The following TTC34 variants were observed in gnomAD, a reference collection of about 807,000 sequenced individuals.
The protein encoded by TTC34 is tetratricopeptide repeat domain 34.
Under a neutral mutation model 40.7 loss-of-function variants are expected in TTC34, and 44 were observed. The observed-to-expected ratio is 1.08, with a 90% CI of 0.85 to 1.39. The LOEUF (loss-of-function observed/expected upper bound fraction) is 1.39. Among genes scored for constraint, TTC34 ranks in the 40% most tolerant of loss-of-function variants. The probability of loss-of-function intolerance (pLI) is 0.00; values close to 1 mark genes in which losing one functional copy is unlikely to be tolerated. For missense variants in TTC34, 884 were observed against 838.0 expected (o/e 1.05, Z -0.68); for synonymous variants, 422 against 398.6 (o/e 1.06, Z -0.70).
chr1:2,756,664 C>T (rs1641516356), intron 6 of TTC34, among the ~76,000 whole-genome samples: 4 of 2,992 alleles, frequency 1.3e-3, no homozygotes, highest in African/African-American at 2.1e-3. Flanking sequence ...ACAGCACCCA[C>T]ACCCCCAGGT....
intron 6 of TTC34, among the ~76,000 whole-genome samples, chr1:2,690,964 T>A (rs374948770): frequency 1.3e-5 from 1 of 75,216 alleles, no homozygotes; most frequent in Non-Finnish European, 3.1e-5. Context: ...TCTGACAGAC[T>A]GGAACAGCAC....
At chr1:2,683,599 G>T (rs868867843) in intron 6 of TTC34, among the ~76,000 whole-genome samples, 11 of 145,464 alleles carry the variant, frequency 7.6e-5, no homozygotes, top group South Asian at 2.1e-4. Context: ...ACACACTCAG[G>T]CGAGCATCTG....
At chr1:2,684,392 ACACC>A in intron 6 of TTC34, among the ~76,000 whole-genome samples, 1 of 150,298 alleles carries the variant, frequency 6.7e-6, no homozygotes, top group South Asian at 2.1e-4. Context: ...AACAGAATCC[ACACC>A]CCCAGGTGAG....
In TTC34 at chr1:2,681,945, C is replaced by T. The variant is rs1322617059; in HGVS notation, c.2227-36382G>A. On this transcript the variant is annotated intron_variant, in intron 6 of 8. Coordinates refer to ENST00000401095, the Ensembl canonical transcript of TTC34. ...GTGACAGCCTGGAACAGCACCAACA[C>T]CCCAAGGCGAGCATCTGACGGCCTG... Among the ~76,000 whole-genome samples the T allele has an allele frequency of 8.3e-5, 9 of 108,756 alleles. 1 individual carries two copies. The highest frequency in any genetic ancestry group is 1.1e-4 in the African/African-American group (3 of 28,054). 71.3% of individuals were successfully genotyped at this position (108,756 alleles called of 152,430 possible). A position where few individuals can be genotyped will look rare whatever the true frequency, so the allele number is the denominator to read the frequency against.
chr1:2,642,896 C>T (rs1396448678), intron 8 of TTC34, among the ~76,000 whole-genome samples: 1 of 152,256 alleles, frequency 6.6e-6, no homozygotes, highest in Non-Finnish European at 1.5e-5. Flanking sequence ...GTGGCCTCTT[C>T]TGCCAGCTGT....
chr1:2,755,770 AAC>A (rs1641483869), intron 6 of TTC34, among the ~76,000 whole-genome samples: 1 of 98,864 alleles, frequency 1.0e-5, no homozygotes. Flanking sequence ...GACAGCCTGG[AAC>A]GGCACCCACA....
At chr1:2,671,729 C>A (rs1178136934) in intron 6 of TTC34, among the ~76,000 whole-genome samples, 1 of 147,000 alleles carries the variant, frequency 6.8e-6, no homozygotes, top group South Asian at 2.2e-4. Context: ...GAGCATCTGA[C>A]AGCATGGAGC....
chr1:2,750,550 G>T (rs1641281860), intron 6 of TTC34, among the ~76,000 whole-genome samples: 1 of 151,974 alleles, frequency 6.6e-6, no homozygotes, highest in Non-Finnish European at 1.5e-5. Context: ...CGACAGCCTG[G>T]GGCAGCACCC....
At chr1:2,642,310 C>T (rs914305335) in intron 8 of TTC34, among the ~76,000 whole-genome samples, 3 of 152,208 alleles carry the variant, frequency 2.0e-5, no homozygotes, top group Admixed American at 2.0e-4. Context: ...CACCGGCCTC[C>T]TCCCTCGGTC....
chr1:2,757,481 G>T, intron 6 of TTC34, among the ~76,000 whole-genome samples: 1 of 54,778 alleles, frequency 1.8e-5, no homozygotes, highest in African/African-American at 1.0e-4. Context: ...CCCCAGGTGA[G>T]CATCGGACAG....
At chr1:2,690,469 A>AGCATCTGG (rs1640567687) in intron 6 of TTC34, among the ~76,000 whole-genome samples, 1 of 100,136 alleles carries the variant, frequency 1.0e-5, no homozygotes. Context: ...ACCACAGGTG[A>AGCATCTGG]GCATCTGAAA....
chr1:2,756,672 G>T (rs1477921868), intron 6 of TTC34, among the ~76,000 whole-genome samples: 7 of 18,720 alleles, frequency 3.7e-4, no homozygotes, highest in East Asian at 1.6e-3. Flanking sequence ...CACACCCCCA[G>T]GTGAGCAGCT....
intron 3 of TTC34, among the ~76,000 whole-genome samples, 165 bp downstream of exon 3, chr1:2,789,338 C>G (rs1257247767): frequency 1.3e-5 from 2 of 152,218 alleles, no homozygotes; most frequent in African/African-American, 4.8e-5. Flanking sequence ...GACTGCGGCC[C>G]GGTCGATGGA....
intron 6 of TTC34, among the ~76,000 whole-genome samples, chr1:2,648,670 C>G (rs1420932472): frequency 6.7e-6 from 1 of 149,556 alleles, no homozygotes; most frequent in Non-Finnish European, 1.5e-5. Flanking sequence ...CCCCACACCC[C>G]AGGGGAGCAT....
intron 6 of TTC34, among the ~76,000 whole-genome samples, chr1:2,769,794 C>T (rs113626979): frequency 7.8e-6 from 1 of 128,820 alleles, no homozygotes; most frequent in South Asian, 2.6e-4. Context: ...GCCCACACCC[C>T]CAGGTGGGCA....
Position 2,645,667 on chromosome 1 carries a change from T to A in TTC34, c.2227-104A>T. 2 of 1,251,888 alleles carry A rather than the reference T, an allele frequency of 1.6e-6. No individual in the cohort carries two copies. The highest frequency in any genetic ancestry group is 2.1e-6 in the Non-Finnish European group (2 of 953,076). 77.5% of individuals were successfully genotyped at this position (1,251,888 alleles called of 1,614,324 possible). A position where few individuals can be genotyped will look rare whatever the true frequency, so the allele number is the denominator to read the frequency against. On this transcript the variant is annotated intron_variant, in intron 6 of 8. Coordinates refer to ENST00000401095, the Ensembl canonical transcript of TTC34. This position sits in a 1 kb window ranked among gnomAD's most constrained non-coding sequence, Gnocchi z 4.7. ...GCTCTGTCTTTCTCATTCCCTGATC[T>A]TCTCCCTGGGGTCCTAGAGGGTCTG... is the stretch of plus-strand genomic sequence containing the variant.
chr1:2,692,222 C>A (rs1452392660), intron 6 of TTC34, among the ~76,000 whole-genome samples: 1 of 70,268 alleles, frequency 1.4e-5, no homozygotes. Context: ...GCAGCACCCA[C>A]ATCCCCAGGC....
chr1:2,767,441 C>T (rs1390791181), intron 6 of TTC34, among the ~76,000 whole-genome samples: 58 of 146,790 alleles, frequency 4.0e-4, no homozygotes, highest in African/African-American at 1.4e-3. Context: ...GGCATCCTCA[C>T]CTCCAGGTGA....
chr1:2,773,291 C>G (rs1173352566), intron 6 of TTC34, among the ~76,000 whole-genome samples: 1 of 113,102 alleles, frequency 8.8e-6, no homozygotes, highest in Non-Finnish European at 1.9e-5. Flanking sequence ...TGGGGCGGCG[C>G]CCACAGCCCC....
Sources: allele counts gnomAD v4.1 joint callset (sites outside exome capture counted in the v4.1 genomes callset), GRCh38; gene constraint gnomAD v4.1.1; non-coding constraint Gnocchi (gnomAD v3.1); transcripts MANE v1.5; gene names NCBI Gene and HGNC (gene_info 2026-07-23, HGNC 2026-07-21).